The following NAP1L4 variants were observed in gnomAD, a reference collection of about 807,000 sequenced individuals.
NAP1L4 encodes nucleosome assembly protein 1 like 4.
A neutral mutation model predicts 58.2 loss-of-function variants in NAP1L4; 15 were observed. The observed-to-expected ratio is 0.26, with a 90% CI of 0.17 to 0.40. The LOEUF is 0.40. Among genes scored for constraint, NAP1L4 ranks in the 10% least tolerant of loss-of-function variants. The probability of loss-of-function intolerance (pLI) is 1.00; values close to 1 mark genes in which losing one functional copy is unlikely to be tolerated. For synonymous variants in NAP1L4, 171 were observed against 155.6 expected, an observed-to-expected ratio of 1.10 and a Z score of -0.74; for missense variants, 384 against 451.1, an observed-to-expected ratio of 0.85 and a Z score of 1.35.
At position 2,951,732 on chromosome 11, in the gene NAP1L4, G is replaced by C. The variant is rs1309450010; in HGVS notation, c.1065+48C>G. On this transcript the variant is annotated intron_variant, in intron 13 of 15. Transcript: ENST00000380542. The surrounding 1 kb of genome is among the most constrained non-coding windows in gnomAD (Gnocchi z 4.0). ...TAACCTTCAAGCAGAGAAAGCCAAA[G>C]AAACAACTTCAGGGAGGTAAGTGGC... The C allele has an allele frequency of 6.2e-7, 1 of 1,602,146 alleles. No homozygotes were observed. Among genetic ancestry groups the C allele is most frequent in the Non-Finnish European group, 8.5e-7 (1 of 1,169,924 alleles).
chr11:2,969,042 G>A (rs1248012825), intron 7 of NAP1L4, among the ~76,000 whole-genome samples: 1 of 148,612 alleles, frequency 6.7e-6, no homozygotes, highest in Admixed American at 6.8e-5. Flanking sequence ...CCAGGATGGA[G>A]TGCAGCACCG....
rs1018774983 is a variant in NAP1L4, at chr11:2,955,050, A to G, written c.916-404T>C. Among the ~76,000 whole-genome samples the G allele has an allele frequency of 6.6e-5, 10 of 152,142 alleles. No homozygotes were observed. Among genetic ancestry groups the G allele is most frequent in the Non-Finnish European group, 1.0e-4 (7 of 68,028 alleles). ...CAAATTAATCCCAGAGTTTTAGGAA[A>G]CAGAAATGGATTTTTTTTTTTTAAG... is the stretch of plus-strand genomic sequence containing the variant. On this transcript the variant is annotated intron_variant, in intron 11 of 15. Coordinates refer to ENST00000380542, the MANE Select transcript of NAP1L4 (RefSeq NM_005969.4). The surrounding 1 kb of genome is among the most constrained non-coding windows in gnomAD (Gnocchi z 4.2).
chr11:2,976,015 C>G lies in NAP1L4; in HGVS notation c.173+9G>C, dbSNP rs1268687431. 3 of 1,606,876 alleles carry G rather than the reference C, an allele frequency of 1.9e-6. No homozygotes were observed. Among genetic ancestry groups the G allele is most frequent in the Non-Finnish European group, 2.5e-6 (3 of 1,177,236 alleles). On this transcript the variant is annotated intron_variant, in intron 4 of 15. Transcript: ENST00000380542. ...AAATTGCATGAGACCCTATTCACAG[C>G]ACACTTACGTTTCGATGTAGCTGGA...
chr11:2,964,803 T>C (rs1310587800), intron 7 of NAP1L4, 52 bp from the exon 8 acceptor site: 1 of 1,357,664 alleles, frequency 7.4e-7, no homozygotes, highest in Non-Finnish European at 1.0e-6. Context: ...AAACAACACA[T>C]CTCTCCCGAA....
intron 3 of NAP1L4, 67 bp from the exon 4 acceptor site, chr11:2,976,190 A>C (rs1847947006): frequency 8.5e-7 from 1 of 1,172,444 alleles, no homozygotes; most frequent in Non-Finnish European, 1.2e-6. Context: ...AGAGTCAAAA[A>C]TTAGTAACAT....
chr11:2,959,836 A>G lies in NAP1L4; in HGVS notation c.680T>C (p.Met227Thr). The G allele has an allele frequency of 6.2e-7, 1 of 1,614,244 alleles. No individual in the cohort carries two copies. The highest frequency in any genetic ancestry group is 8.5e-7 in the Non-Finnish European group (1 of 1,180,030). ...ATCAGCCTTATCTGGTTCTGATTTC[A>G]TCTTGTAGGTTTTTGTCAGGACTGA... ...TNSVLTKTYKMKSEPDKADPF... is the reference protein window; with the variant it reads ...TNSVLTKTYKTKSEPDKADPF... Residue 227 changes from methionine to threonine, a missense_variant, in exon 9 of 16, where the codon ATG becomes ACG. This residue lies in a region of NAP1L4 where 296 missense variants were observed against 360.8 expected (regional missense o/e 0.82). Coordinates refer to ENST00000380542, the MANE Select transcript of NAP1L4 (RefSeq NM_005969.4). This position sits in a 1 kb window ranked among gnomAD's most constrained non-coding sequence, Gnocchi z 4.9.
chr11:2,950,662 TAA>T (rs1214400082), intron 14 of NAP1L4, among the ~76,000 whole-genome samples: 1 of 152,254 alleles, frequency 6.6e-6, no homozygotes, highest in Non-Finnish European at 1.5e-5. Flanking sequence ...TACCTTGATT[TAA>T]GTTACTCTGA....
chr11:2,960,057 A>T lies in NAP1L4; in HGVS notation c.607-148T>A. ...CAAGAAAAACTTCTCCACCGCAAAA[A>T]AGACTAGCGTGAGGTTAAAAAAACC... On this transcript the variant is annotated intron_variant, in intron 8 of 15. Coordinates refer to ENST00000380542, the MANE Select transcript of NAP1L4 (RefSeq NM_005969.4). 10 of 775,162 alleles carry T rather than the reference A, an allele frequency of 1.3e-5. No individual in the cohort carries two copies. The South Asian group carries it at 1.9e-4, about 15-fold the overall frequency. 48.0% of individuals were successfully genotyped at this position (775,162 alleles called of 1,614,324 possible). A position where few individuals can be genotyped will look rare whatever the true frequency, so the allele number is the denominator to read the frequency against.
chr11:2,950,166 C>T (rs1001908109), intron 14 of NAP1L4, among the ~76,000 whole-genome samples: 9 of 152,254 alleles, frequency 5.9e-5, no homozygotes, highest in East Asian at 5.8e-4. Flanking sequence ...CAGCCCTCAC[C>T]GCCCACCACC....
chr11:2,957,148 A>T (rs1846593022), intron 10 of NAP1L4, among the ~76,000 whole-genome samples: 1 of 152,162 alleles, frequency 6.6e-6, no homozygotes, highest in Admixed American at 6.5e-5. Context: ...ATTATTTTTA[A>T]ATCAGTTTTA....
At position 2,948,780 on chromosome 11, in the gene NAP1L4, T is replaced by C. The variant is rs1219959417; in HGVS notation, c.*32+447A>G. Among the ~76,000 whole-genome samples the C allele has an allele frequency of 6.6e-6, 1 of 152,194 alleles. No individual in the cohort carries two copies. Among genetic ancestry groups the C allele is most frequent in the Non-Finnish European group, 1.5e-5 (1 of 68,040 alleles). Reference sequence around the variant, plus strand: ...CTGCACAAAACATGAATTCAAAAAGTATAGATATTCAACAGACACGTGTTG... The same window carrying C: ...CTGCACAAAACATGAATTCAAAAAGCATAGATATTCAACAGACACGTGTTG... On this transcript the variant is annotated intron_variant, in intron 15 of 15. Coordinates refer to ENST00000380542, the MANE Select transcript of NAP1L4 (RefSeq NM_005969.4). This position sits in a 1 kb window ranked among gnomAD's most constrained non-coding sequence, Gnocchi z 5.1.
intron 7 of NAP1L4, among the ~76,000 whole-genome samples, 193 bp downstream of exon 7, chr11:2,969,610 T>G (rs938850301): frequency 6.6e-6 from 1 of 152,020 alleles, no homozygotes; most frequent in Non-Finnish European, 1.5e-5. Context: ...AAAGACAGCA[T>G]GGAAGCCCCA....
At chr11:2,985,805 C>CT (rs1321487593) in intron 1 of NAP1L4, among the ~76,000 whole-genome samples, 2 of 152,182 alleles carry the variant, frequency 1.3e-5, no homozygotes, top group Non-Finnish European at 2.9e-5. Flanking sequence ...AGGTCAAAAA[C>CT]TTTAACTGTG....
rs1330395745 is a variant in NAP1L4, at chr11:2,954,651, G to A, written c.916-5C>T. ...TGTGAATTCAGAATCTTCATCCTGA[G>A]GAGGAAAAACCTACGTGTTAACTCA... On this transcript the variant is annotated splice_polypyrimidine_tract_variant and splice_region_variant and intron_variant, in intron 11 of 15. Transcript: ENST00000380542. The surrounding 1 kb of genome is among the most constrained non-coding windows in gnomAD (Gnocchi z 4.8). 6.2e-7 allele frequency: 1 copy of A among 1,614,166 alleles called. No homozygotes were observed. The highest frequency in any genetic ancestry group is 1.1e-5 in the South Asian group (1 of 91,070).
At chr11:2,978,756 C>A (rs1345983655) in intron 2 of NAP1L4, among the ~76,000 whole-genome samples, 1 of 152,190 alleles carries the variant, frequency 6.6e-6, no homozygotes, top group Non-Finnish European at 1.5e-5. Context: ...CCCAAAGTGG[C>A]TTTGTAAAAT....
At chr11:2,972,035 T>C (rs1847666775) in intron 5 of NAP1L4, 67 bp downstream of exon 5, 1 of 1,429,792 alleles carries the variant, frequency 7.0e-7, no homozygotes, top group African/African-American at 1.5e-5. Flanking sequence ...TTATAATGGG[T>C]TTATCGGAAC....
At chr11:2,988,597 T>C (rs1034924106) in intron 1 of NAP1L4, among the ~76,000 whole-genome samples, 5 of 152,228 alleles carry the variant, frequency 3.3e-5, no homozygotes, top group African/African-American at 9.6e-5. Flanking sequence ...TTAATTATTA[T>C]ACTTAAAACC....
intron 4 of NAP1L4, 118 bp downstream of exon 4, chr11:2,975,905 AC>A: frequency 4.5e-6 from 4 of 879,920 alleles, no homozygotes; most frequent in Non-Finnish European, 6.8e-6. Context: ...TCTCTCATAG[AC>A]AATGTCTTGG....
intron 4 of NAP1L4, among the ~76,000 whole-genome samples, chr11:2,973,955 T>C (rs4758617): frequency 2.6e-5 from 4 of 151,306 alleles, no homozygotes; most frequent in Admixed American, 6.6e-5. Flanking sequence ...TCCTGTAGAG[T>C]AGGGGTTTGA....
Sources: allele counts gnomAD v4.1 joint callset (sites outside exome capture counted in the v4.1 genomes callset), GRCh38; gene constraint gnomAD v4.1.1; regional missense constraint gnomAD v4.1.1; non-coding constraint Gnocchi (gnomAD v3.1); transcripts MANE v1.5; gene names NCBI Gene and HGNC (gene_info 2026-07-23, HGNC 2026-07-21).